IMPG2: variants seen among roughly 807,000 people sequenced by gnomAD.
IMPG2 encodes the protein interphotoreceptor matrix proteoglycan 2, also known as IPM 200.
In IMPG2, 91 loss-of-function variants were observed where a neutral mutation model predicts 129.2. The ratio of observed to expected loss-of-function variants is 0.70; its 90% CI spans 0.59 to 0.84. IMPG2 has a LOEUF of 0.84. Among genes scored for constraint, IMPG2 ranks in the 40% least tolerant of loss-of-function variants. The pLI is 0.00. For synonymous variants in IMPG2, 510 were observed against 517.7 expected (o/e 0.99, Z 0.20); for missense variants, 1,430 against 1,461.7 (o/e 0.98, Z 0.35).
intron 11 of IMPG2, among the ~76,000 whole-genome samples, chr3:101,252,895 A>G (rs1443426422): frequency 6.6e-6 from 1 of 152,208 alleles, no homozygotes; most frequent in Non-Finnish European, 1.5e-5. Context: ...GAGGGAAGAA[A>G]AGCAAGGAAT....
chr3:101,287,496 A>G (rs1251943369), intron 4 of IMPG2, among the ~76,000 whole-genome samples: 8 of 152,216 alleles, frequency 5.3e-5, no homozygotes, highest in African/African-American at 1.2e-4. Context: ...ACCACACTAT[A>G]AGGCTACAGT....
chr3:101,263,228 C>A (rs1706688847), intron 9 of IMPG2, among the ~76,000 whole-genome samples: 1 of 151,912 alleles, frequency 6.6e-6, no homozygotes, highest in Non-Finnish European at 1.5e-5. Context: ...GAACATTTCA[C>A]TGAACAGATG....
chr3:101,276,674 T>C lies in IMPG2; in HGVS notation c.573A>G (p.Ser191=), dbSNP rs1706843491. Residue 191 remains serine, a synonymous_variant, in exon 5 of 19, where the codon TCA becomes TCG. Transcript: ENST00000193391. ...GACACAAAAGTATACCTCCCAATGT[T>C]GAAGTATCACCAACAGGAACTGGAG... ...LSSPVPVGDT[S]TLGDTTLSVP... The C allele has an allele frequency of 1.2e-6, 2 of 1,607,934 alleles. No individual in the cohort carries two copies. Among genetic ancestry groups the C allele is most frequent in the African/African-American group, 1.3e-5 (1 of 74,860 alleles).
chr3:101,274,448 A>G (rs1167572470), intron 6 of IMPG2, among the ~76,000 whole-genome samples: 2 of 152,318 alleles, frequency 1.3e-5, no homozygotes, highest in Non-Finnish European at 2.9e-5. Flanking sequence ...ACACATTATA[A>G]TTATAGGATA....
intron 9 of IMPG2, 113 bp downstream of exon 9, chr3:101,267,398 T>A: frequency 1.1e-6 from 1 of 898,064 alleles, no homozygotes; most frequent in East Asian, 2.4e-5. Context: ...AGTCAGACAG[T>A]GATATTGGAA....
At chr3:101,236,107 C>G (rs1181444797) in intron 14 of IMPG2, among the ~76,000 whole-genome samples, 1 of 152,112 alleles carries the variant, frequency 6.6e-6, no homozygotes, top group African/African-American at 2.4e-5. Flanking sequence ...TTGAGCAGAT[C>G]AAAAACAGGA....
chr3:101,239,782 A>G (rs1189999255), intron 14 of IMPG2, among the ~76,000 whole-genome samples: 1 of 152,230 alleles, frequency 6.6e-6, no homozygotes, highest in African/African-American at 2.4e-5. Flanking sequence ...ACATGGATTA[A>G]GCTGGAAACC....
Position 101,291,520 on chromosome 3 carries a change from A to G in IMPG2, c.502-10T>C. 1 of 1,609,054 alleles carries G rather than the reference A, an allele frequency of 6.2e-7. No homozygotes were observed. Among genetic ancestry groups the G allele is most frequent in the Non-Finnish European group, 8.5e-7 (1 of 1,175,574 alleles). On this transcript the variant is annotated splice_polypyrimidine_tract_variant and intron_variant, in intron 3 of 18. Coordinates refer to ENST00000193391, the MANE Select transcript of IMPG2 (RefSeq NM_016247.4). Reference sequence around the variant, plus strand: ...TTGCATAAGTCAGTTTCTAAGGAAAACAAAGATATAAAAATGACTGAGTTA... The same window carrying G: ...TTGCATAAGTCAGTTTCTAAGGAAAGCAAAGATATAAAAATGACTGAGTTA...
intron 6 of IMPG2, 21 bp from the exon 7 acceptor site, chr3:101,273,763 CAATA>C (rs762317939): frequency 6.2e-7 from 1 of 1,605,610 alleles, no homozygotes; most frequent in Non-Finnish European, 8.5e-7. Context: ...AGAGAAAGAA[CAATA>C]AATGTCAAGG....
chr3:101,244,353 G>A lies in IMPG2; in HGVS notation c.1978C>T (p.Gln660Ter), dbSNP rs1374790005. The change falls in exon 13 of 19, where the codon CAA becomes TAA. Residue 660 changes from glutamine to a stop codon, truncating the protein, a stop_gained. Coordinates refer to ENST00000193391, the MANE Select transcript of IMPG2 (RefSeq NM_016247.4). LOFTEE classifies it high-confidence loss of function. ...VLVDKMDSTD[Q>*]ISKHSKYEHD... ...TCATATTTTGAGTGCTTACTAATTTGGTCTGTGGAATCCATTTTGTCAACT... is the reference window on the plus strand; with the variant it reads ...TCATATTTTGAGTGCTTACTAATTTAGTCTGTGGAATCCATTTTGTCAACT... 6.2e-7 allele frequency: 1 copy of A among 1,613,998 alleles called. No individual in the cohort carries two copies. The highest frequency in any genetic ancestry group is 2.2e-5 in the East Asian group (1 of 44,874).
intron 5 of IMPG2, 51 bp from the exon 6 acceptor site, chr3:101,275,796 A>C: frequency 7.7e-7 from 1 of 1,305,328 alleles, no homozygotes; most frequent in African/African-American, 1.4e-5. Context: ...CGATTAAGTC[A>C]GAATTCCTAT....
intron 14 of IMPG2, among the ~76,000 whole-genome samples, chr3:101,237,832 T>C (rs11708966): frequency 3.3e-5 from 5 of 151,852 alleles, no homozygotes; most frequent in African/African-American, 7.3e-5. Context: ...GAATCACAAC[T>C]CCTTGCCAGC....
At chr3:101,264,884 A>G (rs1381921947) in intron 9 of IMPG2, among the ~76,000 whole-genome samples, 1 of 152,098 alleles carries the variant, frequency 6.6e-6, no homozygotes, top group Non-Finnish European at 1.5e-5. Context: ...AAAAAAATCC[A>G]GTGGCATTCC....
intron 10 of IMPG2, among the ~76,000 whole-genome samples, 176 bp downstream of exon 10, chr3:101,257,353 C>T (rs1190560091): frequency 2.0e-5 from 3 of 152,086 alleles, no homozygotes; most frequent in South Asian, 2.1e-4. Context: ...CAGAAAGCCC[C>T]GGATTAATCT....
intron 9 of IMPG2, among the ~76,000 whole-genome samples, chr3:101,264,828 A>G (rs1461305535): frequency 6.6e-6 from 1 of 152,134 alleles, no homozygotes; most frequent in Non-Finnish European, 1.5e-5. Context: ...AAACTCCTAG[A>G]TTTAATGAAT....
chr3:101,299,730 G>T (rs905467443), intron 3 of IMPG2, among the ~76,000 whole-genome samples: 7 of 152,164 alleles, frequency 4.6e-5, no homozygotes, highest in African/African-American at 1.7e-4. Flanking sequence ...CATGCCTGGA[G>T]ATGTCACTCG....
intron 3 of IMPG2, among the ~76,000 whole-genome samples, chr3:101,302,477 G>A (rs549089687): frequency 6.6e-6 from 1 of 152,172 alleles, no homozygotes; most frequent in East Asian, 1.9e-4. Context: ...GATTGAGAAA[G>A]GAGGCCCAAT....
At chr3:101,252,699 T>C (rs538647621) in intron 11 of IMPG2, among the ~76,000 whole-genome samples, 1 of 152,296 alleles carries the variant, frequency 6.6e-6, no homozygotes, top group African/African-American at 2.4e-5. Flanking sequence ...TGTAACTCAG[T>C]GAAAAGATTG....
intron 2 of IMPG2, among the ~76,000 whole-genome samples, chr3:101,312,739 A>C (rs1707281317): frequency 6.6e-6 from 1 of 152,132 alleles, no homozygotes; most frequent in African/African-American, 2.4e-5. Flanking sequence ...ACACTAAAAT[A>C]TTATTGGACC....
Sources: allele counts gnomAD v4.1 joint callset (sites outside exome capture counted in the v4.1 genomes callset), GRCh38; gene constraint gnomAD v4.1.1; transcripts MANE v1.5; gene names NCBI Gene and HGNC (gene_info 2026-07-23, HGNC 2026-07-21).